The following LYZL1 variants were observed in gnomAD, a reference collection of about 807,000 sequenced individuals.
LYZL1 encodes the protein lysozyme-like protein 1.
LYZL1 carries 16 observed loss-of-function variants against 17.9 expected under a neutral mutation model. That is an observed-to-expected ratio of 0.90 (90% CI 0.61 to 1.36). The LOEUF is 1.36. Ranked by LOEUF, LYZL1 falls within the 40% of genes most tolerant of loss-of-function variation. The pLI is 0.00. For missense variants in LYZL1, 149 were observed against 188.4 expected (o/e 0.79, Z 1.22); for synonymous variants, 58 against 71.8 (o/e 0.81, Z 0.97).
At chr10:29,291,640 G>A (rs1190300823) in intron 1 of LYZL1, among the ~76,000 whole-genome samples, 1 of 152,056 alleles carries the variant, frequency 6.6e-6, no homozygotes, top group Non-Finnish European at 1.5e-5. Context: ...TGACTTGAAA[G>A]TTACTGTATG....
At chr10:29,303,248 C>A (rs1266506483) in intron 3 of LYZL1, among the ~76,000 whole-genome samples, 1 of 152,114 alleles carries the variant, frequency 6.6e-6, no homozygotes, top group African/African-American at 2.4e-5. Context: ...ATCTGAGCTG[C>A]CTTGGCGTCT....
intron 3 of LYZL1, among the ~76,000 whole-genome samples, chr10:29,298,624 A>G (rs1014093435): frequency 3.9e-5 from 6 of 152,296 alleles, no homozygotes; most frequent in Non-Finnish European, 7.3e-5. Context: ...AAAAGGATAA[A>G]CTAAAACAAT....
chr10:29,317,061 G>A (rs1835741340), intron 3 of LYZL1, among the ~76,000 whole-genome samples: 1 of 152,032 alleles, frequency 6.6e-6, no homozygotes, highest in Non-Finnish European at 1.5e-5. Context: ...TGGAATTATA[G>A]GATACCTAAT....
At chr10:29,292,479 G>A (rs908327820) in intron 2 of LYZL1, 40 bp from the exon 3 acceptor site, 1 of 1,605,192 alleles carries the variant, frequency 6.2e-7, no homozygotes, top group South Asian at 1.1e-5. Context: ...AGCAAAAGAT[G>A]CACTTCCTTT....
chr10:29,295,760 G>C (rs1286433138), intron 3 of LYZL1, among the ~76,000 whole-genome samples: 2 of 152,198 alleles, frequency 1.3e-5, no homozygotes, highest in Non-Finnish European at 2.9e-5. Flanking sequence ...AGAAGAAAGA[G>C]AGATTCAAAG....
chr10:29,309,892 A>C (rs1257483835), intron 3 of LYZL1, among the ~76,000 whole-genome samples: 1 of 152,232 alleles, frequency 6.6e-6, no homozygotes. Flanking sequence ...TTCCTCTGAA[A>C]CATCAGGTAG....
chr10:29,317,339 T>G (rs796143519), exon 4 of LYZL1: 28 of 152,302 alleles, frequency 1.8e-4, no homozygotes, highest in African/African-American at 6.0e-4. Context: ...TTCATGGAGG[T>G]CATCTTTCCC....
intron 3 of LYZL1, among the ~76,000 whole-genome samples, chr10:29,294,962 G>A (rs1484133819): frequency 2.0e-5 from 3 of 152,166 alleles, no homozygotes; most frequent in African/African-American, 7.2e-5. Flanking sequence ...CCTTCTCTCT[G>A]ACTCTCAAAA....
chr10:29,312,122 A>G (rs1039669871), downstream of LYZL1, among the ~76,000 whole-genome samples: 1 of 152,234 alleles, frequency 6.6e-6, no homozygotes, highest in Non-Finnish European at 1.5e-5. Flanking sequence ...CAACATAGCA[A>G]GACCCTGTCT....
Position 29,289,102 on chromosome 10 carries a change from G to C in LYZL1, c.-154G>C, listed in dbSNP as rs1358263225. The C allele has an allele frequency of 6.4e-7, 1 of 1,566,768 alleles. No homozygotes were observed. The highest frequency in any genetic ancestry group is 8.7e-7 in the Non-Finnish European group (1 of 1,153,988). ...GATTACTCGCGCCTCGTTAGAATCA[G>C]ACATGGCTTCAGGGGATGCAGGACG... On this transcript the variant is annotated 5_prime_UTR_variant, in exon 1 of 5. Transcript: ENST00000649382.
At chr10:29,292,478 T>C in intron 2 of LYZL1, 41 bp from the exon 3 acceptor site, 4 of 1,605,168 alleles carry the variant, frequency 2.5e-6, no homozygotes, top group East Asian at 2.2e-5. Flanking sequence ...GAGCAAAAGA[T>C]GCACTTCCTT....
chr10:29,301,310 C>T (rs1026539604), intron 3 of LYZL1, among the ~76,000 whole-genome samples: 1 of 152,156 alleles, frequency 6.6e-6, no homozygotes, highest in Non-Finnish European at 1.5e-5. Flanking sequence ...ACTATAAGTC[C>T]ATTAAGCCTC....
intron 1 of LYZL1, among the ~76,000 whole-genome samples, chr10:29,290,143 G>A (rs1418828551): frequency 6.6e-6 from 1 of 152,166 alleles, no homozygotes; most frequent in Non-Finnish European, 1.5e-5. Context: ...CCCAGGGAGA[G>A]AAACTAATGA....
chr10:29,308,012 T>A (rs10740798), intron 3 of LYZL1, among the ~76,000 whole-genome samples: 111,703 of 152,024 alleles, frequency 0.73, 41,177 homozygotes, highest in East Asian at 0.91. Context: ...TCTCTAAAAA[T>A]CAAAAACAAA....
chr10:29,292,591 A>T lies in LYZL1; in HGVS notation c.212A>T (p.Asp71Val), dbSNP rs1433189920. ...AQTVLDDGSI[D>V]YGIFQINSFA... ...ACGGTCCTGGATGACGGCAGCATCG[A>T]CTATGGCATCTTCCAGATCAACAGC... The change falls in exon 3 of 5, where the codon GAC becomes GTC. Residue 71 changes from aspartate to valine, a missense_variant. Asp to Val is a radical substitution (Grantham distance 152). This residue lies in a region of LYZL1 where 130 missense variants were observed against 132.5 expected (regional missense o/e 0.98). Coordinates refer to ENST00000649382, the MANE Select transcript of LYZL1 (RefSeq NM_032517.6). The T allele has an allele frequency of 6.2e-7, 1 of 1,614,252 alleles. No homozygotes were observed. Among genetic ancestry groups the T allele is most frequent in the Non-Finnish European group, 8.5e-7 (1 of 1,180,038 alleles).
downstream of LYZL1, among the ~76,000 whole-genome samples, chr10:29,314,818 T>C (rs1052717428): frequency 2.0e-5 from 3 of 152,146 alleles, no homozygotes; most frequent in Non-Finnish European, 4.4e-5. Flanking sequence ...GTCCCTGAGA[T>C]ACGGAAGGGG....
chr10:29,312,829 T>C (rs975328536), downstream of LYZL1, among the ~76,000 whole-genome samples: 1 of 152,150 alleles, frequency 6.6e-6, no homozygotes, highest in African/African-American at 2.4e-5. Flanking sequence ...AGCTGTCTTG[T>C]TCTAAATTTA....
intron 3 of LYZL1, among the ~76,000 whole-genome samples, chr10:29,304,808 C>T (rs372995601): frequency 6.6e-6 from 1 of 152,204 alleles, no homozygotes; most frequent in East Asian, 1.9e-4. Flanking sequence ...TTCCCAGCCC[C>T]TACTTTCCCT....
chr10:29,301,234 A>T (rs1325217151), intron 3 of LYZL1, among the ~76,000 whole-genome samples: 1 of 152,182 alleles, frequency 6.6e-6, no homozygotes, highest in Non-Finnish European at 1.5e-5. Context: ...GCTGCCATCC[A>T]TCTAAGACAT....
Sources: allele counts gnomAD v4.1 joint callset (sites outside exome capture counted in the v4.1 genomes callset), GRCh38; gene constraint gnomAD v4.1.1; regional missense constraint gnomAD v4.1.1; transcripts MANE v1.5; gene names NCBI Gene and HGNC (gene_info 2026-07-23, HGNC 2026-07-21).